The following GAS7 variants were observed in gnomAD, a reference collection of about 807,000 sequenced individuals.
The protein encoded by GAS7 is growth arrest specific 7.
Under a neutral mutation model 71.1 loss-of-function variants are expected in GAS7, and 28 were observed. The observed-to-expected ratio is 0.39, with a 90% CI of 0.29 to 0.54. The LOEUF (loss-of-function observed/expected upper bound fraction) is 0.54. Among genes scored for constraint, GAS7 ranks in the 20% least tolerant of loss-of-function variants. The pLI is 0.62. For missense variants in GAS7, 436 were observed against 627.8 expected (o/e 0.69, Z 3.27); for synonymous variants, 258 against 245.8 (o/e 1.05, Z -0.46).
intron 1 of GAS7, among the ~76,000 whole-genome samples, chr17:10,123,693 C>G (rs993858492): frequency 6.6e-6 from 1 of 152,234 alleles, no homozygotes; most frequent in Non-Finnish European, 1.5e-5. Flanking sequence ...AGAGCTTGCT[C>G]CCCCAACAAA....
At chr17:10,060,482 T>C (rs2152242245) in intron 1 of GAS7, among the ~76,000 whole-genome samples, 1 of 152,184 alleles carries the variant, frequency 6.6e-6, no homozygotes, top group East Asian at 1.9e-4. Context: ...GATTCCCAGG[T>C]CTGGCACATG....
intron 1 of GAS7, among the ~76,000 whole-genome samples, chr17:10,118,110 T>C (rs2073876115): frequency 6.6e-6 from 1 of 152,048 alleles, no homozygotes; most frequent in Non-Finnish European, 1.5e-5. Flanking sequence ...ACCCTGTTGC[T>C]CTCCAGGGCG....
At position 10,095,941 on chromosome 17, in the gene GAS7, C is replaced by A. The variant is rs79988197; in HGVS notation, c.184-76044G>T. ...GACGTGTTCTCTGAAGTCACTGATC[C>A]ACCTTCCTGTTCCTCCTCATTCCTC... is the stretch of plus-strand genomic sequence containing the variant. On this transcript the variant is annotated intron_variant, in intron 1 of 13. Transcript: ENST00000432992. Among the ~76,000 whole-genome samples the A allele has an allele frequency of 8.2e-3, 1,253 of 152,266 alleles. 11 individuals carry two copies. The highest frequency in any genetic ancestry group is 0.028 in the African/African-American group (1,177 of 41,546).
Position 9,916,553 on chromosome 17 carries a change from C to T in GAS7, c.*675G>A, listed in dbSNP as rs1407839261. ...AGATGGCGCCTGATCTCATGGGACA[C>T]GATTCAGCGCTCAATTTGGGGCTAA... is the stretch of plus-strand genomic sequence containing the variant. On this transcript the variant is annotated 3_prime_UTR_variant, in exon 14 of 14. Transcript: ENST00000432992. 5 of 241,748 alleles carry T rather than the reference C, an allele frequency of 2.1e-5. No individual in the cohort carries two copies. Among genetic ancestry groups the T allele is most frequent in the East Asian group, 6.0e-5 (1 of 16,782 alleles). The allele number at this position is 241,748 out of a possible 1,614,324, so 15.0% of individuals were successfully genotyped here.
At chr17:10,181,230 C>T (rs932057098) in intron 1 of GAS7, among the ~76,000 whole-genome samples, 4 of 151,618 alleles carry the variant, frequency 2.6e-5, no homozygotes, top group Admixed American at 6.6e-5. Flanking sequence ...CGTGGTGGTG[C>T]ATGCCTGTAA....
intron 1 of GAS7, among the ~76,000 whole-genome samples, chr17:10,076,754 T>A (rs953431236): frequency 1.1e-4 from 17 of 152,170 alleles, no homozygotes; most frequent in African/African-American, 4.1e-4. Context: ...ACGGACGAGC[T>A]GAACTGTCTC....
At position 9,954,484 on chromosome 17, in the gene GAS7, G is replaced by A. The variant is rs1177256373; in HGVS notation, c.525+4718C>T. On this transcript the variant is annotated intron_variant, in intron 5 of 13. Transcript: ENST00000432992. ...CAGTGATGGGGGATGGGGGGTGGGG[G>A]GTGGGGGGTCATGATAGCAGCTGGG... Among the ~76,000 whole-genome samples, 4 of 151,210 alleles carry A rather than the reference G, an allele frequency of 2.6e-5. No homozygotes were observed. The East Asian group carries it at 5.8e-4, about 22-fold the overall frequency.
intron 1 of GAS7, among the ~76,000 whole-genome samples, chr17:10,076,693 G>A (rs1284696477): frequency 2.6e-5 from 4 of 152,174 alleles, no homozygotes; most frequent in Admixed American, 2.6e-4. Flanking sequence ...ATGCCAGATT[G>A]TTATACTGAT....
At chr17:10,094,262 A>C (rs184077582) in intron 1 of GAS7, among the ~76,000 whole-genome samples, 3 of 152,268 alleles carry the variant, frequency 2.0e-5, no homozygotes, top group African/African-American at 7.2e-5. Context: ...GCAGAGAGAA[A>C]ACACCTGGTA....
chr17:10,174,670 C>T (rs985109940), intron 1 of GAS7, among the ~76,000 whole-genome samples: 4 of 151,458 alleles, frequency 2.6e-5, no homozygotes, highest in African/African-American at 4.9e-5. Flanking sequence ...CCAGCCTGGG[C>T]GGCAGAGCGA....
Position 9,913,805 on chromosome 17 carries a change from C to G in GAS7, c.*3423G>C, listed in dbSNP as rs565016589. 4.3e-6 allele frequency: 1 copy of G among 231,720 alleles called. No individual in the cohort carries two copies. The highest frequency in any genetic ancestry group is 2.2e-5 in the African/African-American group (1 of 45,326). The allele number at this position is 231,720 out of a possible 1,614,324, so 14.4% of individuals were successfully genotyped here. A position where few individuals can be genotyped will look rare whatever the true frequency, so the allele number is the denominator to read the frequency against. ...TCTTCCTGGAGGTTGTCACAGCAACCAACTTGGAACACCATTTGGCTTAAG... is the reference window on the plus strand; with the variant it reads ...TCTTCCTGGAGGTTGTCACAGCAACGAACTTGGAACACCATTTGGCTTAAG... On this transcript the variant is annotated 3_prime_UTR_variant, in exon 14 of 14. Transcript: ENST00000432992.
At chr17:10,050,671 C>T (rs1191361117) in intron 1 of GAS7, among the ~76,000 whole-genome samples, 1 of 152,200 alleles carries the variant, frequency 6.6e-6, no homozygotes, top group Non-Finnish European at 1.5e-5. Context: ...AGCTACTTCC[C>T]GTCTGTTAGC....
intron 8 of GAS7, among the ~76,000 whole-genome samples, chr17:9,937,364 G>A (rs986757046): frequency 4.6e-5 from 7 of 152,248 alleles, no homozygotes; most frequent in Non-Finnish European, 1.0e-4. Context: ...CCAGGCTGGA[G>A]AGATGGAAGC....
Position 10,026,315 on chromosome 17 carries a change from G to A in GAS7, c.184-6418C>T. 2 of 984,432 alleles carry A rather than the reference G, an allele frequency of 2.0e-6. No individual in the cohort carries two copies. The highest frequency in any genetic ancestry group is 4.7e-5 in the South Asian group (1 of 21,258). 61.0% of individuals were successfully genotyped at this position (984,432 alleles called of 1,614,324 possible). A position where few individuals can be genotyped will look rare whatever the true frequency, so the allele number is the denominator to read the frequency against. On this transcript the variant is annotated intron_variant, in intron 1 of 13. Coordinates refer to ENST00000432992, the MANE Select transcript of GAS7 (RefSeq NM_201433.2). The surrounding 1 kb of genome is among the most constrained non-coding windows in gnomAD (Gnocchi z 4.5). Reference sequence around the variant, plus strand: ...GCTCTAAAGAAAAGCATATCCACAGGGCCCCACACCCCCACTCCCCCCACA... The same window carrying A: ...GCTCTAAAGAAAAGCATATCCACAGAGCCCCACACCCCCACTCCCCCCACA...
rs563373889 is a variant in GAS7, at chr17:9,970,466, C to T, written c.386-704G>A. On this transcript the variant is annotated intron_variant, in intron 3 of 13. Coordinates refer to ENST00000432992, the MANE Select transcript of GAS7 (RefSeq NM_201433.2). ...CCAACATGGTGAAACCCTGTCTCTA[C>T]TAAAAATACAAAAAAATTAGCCAGG... Among the ~76,000 whole-genome samples the T allele has an allele frequency of 3.9e-5, 6 of 151,968 alleles. No individual in the cohort carries two copies. The South Asian group carries it at 1.2e-3, about 32-fold the overall frequency.
chr17:10,138,517 C>A (rs919362148), intron 1 of GAS7, among the ~76,000 whole-genome samples: 2 of 152,080 alleles, frequency 1.3e-5, no homozygotes, highest in Non-Finnish European at 2.9e-5. Flanking sequence ...GTATTACCAG[C>A]ACTTTGGGAA....
At chr17:9,943,560 C>G (rs1386538829) in intron 6 of GAS7, among the ~76,000 whole-genome samples, 1 of 152,198 alleles carries the variant, frequency 6.6e-6, no homozygotes, top group Non-Finnish European at 1.5e-5. Flanking sequence ...GACTTCCAAC[C>G]AGGTGGCTGC....
chr17:10,195,606 C>T (rs2074534976), intron 1 of GAS7, among the ~76,000 whole-genome samples: 1 of 152,198 alleles, frequency 6.6e-6, no homozygotes, highest in South Asian at 2.1e-4. Context: ...GAACTCCATG[C>T]TCCCAAGCAA....
At chr17:9,999,344 C>A (rs1294102054) in intron 2 of GAS7, among the ~76,000 whole-genome samples, 2 of 152,014 alleles carry the variant, frequency 1.3e-5, no homozygotes, top group Non-Finnish European at 2.9e-5. Flanking sequence ...ATGGTGAAAC[C>A]CCGTCTCTAC....
Sources: allele counts gnomAD v4.1 joint callset (sites outside exome capture counted in the v4.1 genomes callset), GRCh38; gene constraint gnomAD v4.1.1; non-coding constraint Gnocchi (gnomAD v3.1); transcripts MANE v1.5; gene names NCBI Gene and HGNC (gene_info 2026-07-23, HGNC 2026-07-21).